Variants in ASIC2 observed in about 807,000 individuals in gnomAD.
The protein encoded by ASIC2 is acid-sensing ion channel 2.
Under a neutral mutation model 57.3 loss-of-function variants are expected in ASIC2, and 25 were observed. The ratio of observed to expected loss-of-function variants is 0.44; its 90% CI spans 0.32 to 0.61. The LOEUF is 0.61. ASIC2 is among the 20% of genes least tolerant of loss of function. The pLI is 0.06. For synonymous variants in ASIC2, 319 were observed against 307.5 expected (o/e 1.04, Z -0.39); for missense variants, 641 against 738.1 (o/e 0.87, Z 1.52).
At chr17:33,263,280 A>G (rs1909348681) in intron 1 of ASIC2, among the ~76,000 whole-genome samples, 1 of 152,200 alleles carries the variant, frequency 6.6e-6, no homozygotes, top group African/African-American at 2.4e-5. Flanking sequence ...AGGACAATGC[A>G]TCTCAGAAAG....
intron 1 of ASIC2, among the ~76,000 whole-genome samples, chr17:33,779,967 C>CTTT (rs759850922): frequency 0.082 from 6,947 of 84,814 alleles, 834 homozygotes; most frequent in East Asian, 0.17. Context: ...CTACAGAAGC[C>CTTT]TTTTTTTTTT....
At chr17:33,694,820 T>A (rs1391092324) in intron 1 of ASIC2, among the ~76,000 whole-genome samples, 1 of 152,126 alleles carries the variant, frequency 6.6e-6, no homozygotes, top group East Asian at 1.9e-4. Flanking sequence ...TCATCTCCAG[T>A]TACCTCTGTT....
intron 1 of ASIC2, among the ~76,000 whole-genome samples, chr17:33,328,056 C>A (rs546038813): frequency 6.6e-6 from 1 of 152,272 alleles, no homozygotes; most frequent in South Asian, 2.1e-4. Context: ...AAATATAGCC[C>A]TGCTAACATT....
rs552012821 is a variant in ASIC2, at chr17:34,039,836, G to C, written c.555+116142C>G. On this transcript the variant is annotated intron_variant, in intron 1 of 9. Transcript: ENST00000359872. ...GTAAACCTGGCCTCCAATAATTTCT[G>C]CCGTCGTGGGTCCAGGCTATGCAAT... is the stretch of plus-strand genomic sequence containing the variant. The C allele has an allele frequency of 1.1e-5, 18 of 1,607,300 alleles. No individual in the cohort carries two copies. The African/African-American group carries it at 2.3e-4, about 20-fold the overall frequency.
intron 1 of ASIC2, among the ~76,000 whole-genome samples, chr17:33,135,272 C>T (rs900932889): frequency 3.3e-5 from 5 of 152,152 alleles, no homozygotes; most frequent in Admixed American, 3.3e-4. Context: ...GCTCTTCTGC[C>T]TGCCTGGAAT....
intron 1 of ASIC2, among the ~76,000 whole-genome samples, chr17:33,841,184 G>A (rs934840674): frequency 3.3e-5 from 5 of 152,328 alleles, no homozygotes; most frequent in South Asian, 4.1e-4. Context: ...ACACTTGTGG[G>A]CAAGTTGTTG....
chr17:33,094,923 C>T (rs932097223), intron 2 of ASIC2, among the ~76,000 whole-genome samples: 1 of 152,200 alleles, frequency 6.6e-6, no homozygotes, highest in Non-Finnish European at 1.5e-5. Flanking sequence ...TGATTAAATA[C>T]TTGGGGCTGT....
At chr17:33,695,971 G>A (rs1429542417) in intron 1 of ASIC2, among the ~76,000 whole-genome samples, 2 of 152,052 alleles carry the variant, frequency 1.3e-5, no homozygotes, top group African/African-American at 4.8e-5. Context: ...TTAATATGTT[G>A]AGACCTATCT....
chr17:33,381,286 CT>C (rs1195096408), intron 1 of ASIC2, among the ~76,000 whole-genome samples: 2 of 152,232 alleles, frequency 1.3e-5, no homozygotes, highest in Admixed American at 6.5e-5. Context: ...GAAAACCTGA[CT>C]TGTTTGGAGC....
intron 1 of ASIC2, among the ~76,000 whole-genome samples, chr17:34,101,542 GATAATTTA>G (rs1374816424): frequency 6.6e-6 from 1 of 152,092 alleles, no homozygotes; most frequent in Non-Finnish European, 1.5e-5. Flanking sequence ...ATGTACAGAG[GATAATTTA>G]ATGATTTAAT....
At chr17:33,848,347 C>T (rs1913671238) in intron 1 of ASIC2, among the ~76,000 whole-genome samples, 1 of 152,148 alleles carries the variant, frequency 6.6e-6, no homozygotes, top group South Asian at 2.1e-4. Flanking sequence ...ACATGCTCAA[C>T]CTCTTAGGTC....
At chr17:33,061,170 T>C (rs2092019016) in intron 3 of ASIC2, among the ~76,000 whole-genome samples, 1 of 152,220 alleles carries the variant, frequency 6.6e-6, no homozygotes, top group Admixed American at 6.5e-5. Flanking sequence ...TCTTGCCTGA[T>C]TGCCCTGGCC....
chr17:33,452,044 A>T (rs569746337), intron 1 of ASIC2, among the ~76,000 whole-genome samples: 2 of 152,344 alleles, frequency 1.3e-5, no homozygotes, highest in South Asian at 4.1e-4. Context: ...CATCACCTCC[A>T]CTGAGCAGAT....
At chr17:33,037,062 A>G (rs145095782) in intron 3 of ASIC2, among the ~76,000 whole-genome samples, 52 of 150,724 alleles carry the variant, frequency 3.5e-4, no homozygotes, top group Admixed American at 8.0e-4. Context: ...TGACATGTTT[A>G]TCTATGTAAC....
intron 1 of ASIC2, among the ~76,000 whole-genome samples, chr17:33,165,383 G>T (rs1905276362): frequency 6.6e-6 from 1 of 152,168 alleles, no homozygotes; most frequent in Non-Finnish European, 1.5e-5. Flanking sequence ...GAAAACCAAG[G>T]CCTGAGCTGG....
intron 1 of ASIC2, chr17:34,082,199 T>A (rs1909910314): frequency 6.6e-6 from 1 of 152,188 alleles, no homozygotes; most frequent in African/African-American, 2.4e-5. Context: ...TCCCCTCTGC[T>A]CCTTCAGGCA....
chr17:33,963,042 TC>T (rs1904973164), intron 1 of ASIC2, among the ~76,000 whole-genome samples: 1 of 152,282 alleles, frequency 6.6e-6, no homozygotes, highest in South Asian at 2.1e-4. Flanking sequence ...CCTCCCAGGT[TC>T]CCGGAAACAT....
intron 1 of ASIC2, among the ~76,000 whole-genome samples, chr17:33,698,044 G>A (rs1195190631): frequency 6.6e-6 from 1 of 152,150 alleles, no homozygotes; most frequent in Non-Finnish European, 1.5e-5. Context: ...GTTGGAAAGT[G>A]AATTTTATTA....
chr17:33,388,682 A>G (rs1282094248), intron 1 of ASIC2, among the ~76,000 whole-genome samples: 1 of 152,262 alleles, frequency 6.6e-6, no homozygotes, highest in Non-Finnish European at 1.5e-5. Context: ...CTAGTTCACC[A>G]CATGGCATAG....
Sources: allele counts gnomAD v4.1 joint callset (sites outside exome capture counted in the v4.1 genomes callset), GRCh38; gene constraint gnomAD v4.1.1; transcripts MANE v1.5; gene names NCBI Gene and HGNC (gene_info 2026-07-23, HGNC 2026-07-21).